The following PIP5K1B variants were observed in gnomAD, a reference collection of about 807,000 sequenced individuals.
The protein encoded by PIP5K1B is phosphatidylinositol-4-phosphate 5-kinase type 1 beta, also known as phosphatidylinositol 4-phosphate 5-kinase type-1 beta.
A neutral mutation model predicts 67.0 loss-of-function variants in PIP5K1B; 42 were observed. That is an observed-to-expected ratio of 0.63 (90% confidence interval 0.49 to 0.81). The LOEUF is 0.81. PIP5K1B is among the 30% of genes least tolerant of loss of function. The probability of loss-of-function intolerance (pLI) is 0.00; values close to 1 mark genes in which losing one functional copy is unlikely to be tolerated. For missense variants in PIP5K1B, 459 were observed against 646.3 expected (o/e 0.71, Z 3.14); for synonymous variants, 214 against 231.4 (o/e 0.92, Z 0.68).
intron 2 of PIP5K1B, among the ~76,000 whole-genome samples, chr9:68,789,927 A>G (rs1831864046): frequency 6.6e-6 from 1 of 152,200 alleles, no homozygotes; most frequent in Admixed American, 6.5e-5. Context: ...TGAAATTACC[A>G]ATCCCACAAA....
intron 1 of PIP5K1B, among the ~76,000 whole-genome samples, chr9:68,711,378 G>A (rs1827385168): frequency 6.6e-6 from 1 of 152,178 alleles, no homozygotes; most frequent in Admixed American, 6.5e-5. Context: ...GCAATGCAAC[G>A]ACCTCCTTGA....
chr9:68,930,428 C>G (rs538399253), intron 12 of PIP5K1B, among the ~76,000 whole-genome samples: 34 of 152,198 alleles, frequency 2.2e-4, no homozygotes, highest in African/African-American at 7.5e-4. Context: ...AATTACCCAG[C>G]CAGAATGCTG....
At chr9:68,986,883 A>G (rs891450503) in intron 14 of PIP5K1B, among the ~76,000 whole-genome samples, 1 of 152,256 alleles carries the variant, frequency 6.6e-6, no homozygotes, top group Non-Finnish European at 1.5e-5. Context: ...ATGCTGGATC[A>G]CAAGAGGGCA....
At chr9:68,747,746 C>CT (rs1829394347) in intron 2 of PIP5K1B, among the ~76,000 whole-genome samples, 1 of 152,022 alleles carries the variant, frequency 6.6e-6, no homozygotes, top group South Asian at 2.1e-4. Flanking sequence ...AAGTAGAGTA[C>CT]TAGAAGACAT....
chr9:68,809,603 C>G (rs1335266510), intron 2 of PIP5K1B, among the ~76,000 whole-genome samples: 6 of 152,154 alleles, frequency 3.9e-5, no homozygotes, highest in Non-Finnish European at 8.8e-5. Context: ...TGTTAAAATG[C>G]AGGACTCATG....
At position 68,742,546 on chromosome 9, in the gene PIP5K1B, C is replaced by T. The variant is rs547098879; in HGVS notation, c.-197C>T. 2.0e-5 allele frequency: 3 copies of T among 152,308 alleles called. No individual in the cohort carries two copies. The highest frequency in any genetic ancestry group is 3.4e-3 in the Middle Eastern group (1 of 294). The allele number at this position is 152,308 out of a possible 1,614,324, so 9.4% of individuals were successfully genotyped here. ...CAGAGCTGAGATGTGACTGCAGAGC[C>T]GTCCAACCCCAGTCCTGTGACCTTT... On this transcript the variant is annotated 5_prime_UTR_variant, in exon 2 of 16. Transcript: ENST00000265382.
At chr9:68,906,039 G>C (rs1002203085) in intron 8 of PIP5K1B, among the ~76,000 whole-genome samples, 1 of 152,062 alleles carries the variant, frequency 6.6e-6, no homozygotes, top group Non-Finnish European at 1.5e-5. Flanking sequence ...TAAATTTTGA[G>C]ACAGAGTCTC....
At chr9:68,774,929 A>C (rs902859795) in intron 2 of PIP5K1B, among the ~76,000 whole-genome samples, 1 of 152,080 alleles carries the variant, frequency 6.6e-6, no homozygotes, top group Non-Finnish European at 1.5e-5. Flanking sequence ...AACTTCTTCA[A>C]CTCTGCTAGA....
intron 8 of PIP5K1B, among the ~76,000 whole-genome samples, chr9:68,899,594 ACT>A (rs1825263028): frequency 6.6e-6 from 1 of 152,248 alleles, no homozygotes; most frequent in Non-Finnish European, 1.5e-5. Context: ...CAAAAATTGC[ACT>A]GAGAATTTAA....
chr9:68,939,614 T>G (rs1827456122), intron 13 of PIP5K1B, among the ~76,000 whole-genome samples: 1 of 152,226 alleles, frequency 6.6e-6, no homozygotes, highest in South Asian at 2.1e-4. Context: ...GTTTTCTATT[T>G]TGACTTGAAT....
chr9:68,976,563 C>T (rs144579876), intron 14 of PIP5K1B, among the ~76,000 whole-genome samples: 291 of 152,336 alleles, frequency 1.9e-3, no homozygotes, highest in Middle Eastern at 0.014. Context: ...CAGGGGCCAT[C>T]GGTGCCCTAT....
chr9:68,960,787 T>C (rs898704645), intron 14 of PIP5K1B, among the ~76,000 whole-genome samples: 3 of 152,238 alleles, frequency 2.0e-5, no homozygotes, highest in Non-Finnish European at 4.4e-5. Context: ...TCTAAGGGTT[T>C]TTTGGCATTT....
intron 14 of PIP5K1B, among the ~76,000 whole-genome samples, chr9:68,966,076 T>A (rs1829014683): frequency 6.6e-6 from 1 of 151,398 alleles, no homozygotes; most frequent in Non-Finnish European, 1.5e-5. Flanking sequence ...TAGCTAAAAT[T>A]GGAACAATTT....
intron 4 of PIP5K1B, among the ~76,000 whole-genome samples, chr9:68,840,383 A>G (rs972481692): frequency 3.9e-5 from 6 of 152,216 alleles, no homozygotes; most frequent in African/African-American, 1.4e-4. Flanking sequence ...ATCTCAAAAA[A>G]AAAAAAAAGA....
At chr9:68,977,762 C>G (rs1259161405) in intron 14 of PIP5K1B, among the ~76,000 whole-genome samples, 1 of 149,122 alleles carries the variant, frequency 6.7e-6, no homozygotes. Flanking sequence ...TGAAGCGATT[C>G]TCCTGCCTCA....
chr9:69,004,998 T>A (rs1273822749), intron 15 of PIP5K1B, among the ~76,000 whole-genome samples: 1 of 152,130 alleles, frequency 6.6e-6, no homozygotes, highest in Non-Finnish European at 1.5e-5. Context: ...CATCCAAGAA[T>A]TACATTACAA....
rs1827361922 is a variant in PIP5K1B, at chr9:68,938,077, G to A, written c.1358-2569G>A. Among the ~76,000 whole-genome samples the A allele has an allele frequency of 3.9e-5, 6 of 152,334 alleles. No homozygotes were observed. In the South Asian group the frequency reaches 1.2e-3, roughly 32 times the overall value. ...TGCTGAGAAGAATGTATATTCTGTT[G>A]ATTTGGGGTAGAGAGTACTGTAGCT... On this transcript the variant is annotated intron_variant, in intron 13 of 15. Transcript: ENST00000265382.
intron 2 of PIP5K1B, among the ~76,000 whole-genome samples, chr9:68,757,602 T>A (rs1266962724): frequency 5.3e-5 from 8 of 152,196 alleles, no homozygotes; most frequent in Admixed American, 5.2e-4. Context: ...TTCTTTAATA[T>A]GACTTTCTAA....
intron 2 of PIP5K1B, among the ~76,000 whole-genome samples, chr9:68,791,065 T>C (rs1831941053): frequency 6.6e-6 from 1 of 152,180 alleles, no homozygotes; most frequent in Non-Finnish European, 1.5e-5. Flanking sequence ...ATAATTCTGG[T>C]TTTTTTCCAG....
Sources: allele counts gnomAD v4.1 joint callset (sites outside exome capture counted in the v4.1 genomes callset), GRCh38; gene constraint gnomAD v4.1.1; transcripts MANE v1.5; gene names NCBI Gene and HGNC (gene_info 2026-07-23, HGNC 2026-07-21).